Variants in ABI3 observed in about 807,000 individuals in gnomAD.
The protein encoded by ABI3 is ABI family member 3, also known as ABI gene family member 3.
Under a neutral mutation model 37.0 loss-of-function variants are expected in ABI3, and 24 were observed. That is an observed-to-expected ratio of 0.65 (90% CI 0.47 to 0.91). The LOEUF (loss-of-function observed/expected upper bound fraction) is 0.91, where lower values mean the gene tolerates loss of function less well. Ranked by LOEUF, ABI3 falls within the 40% of genes least tolerant of loss-of-function variation. ABI3 has a pLI of 0.00. For missense variants in ABI3, 481 were observed against 485.1 expected, an observed-to-expected ratio of 0.99 and a Z score of 0.08; for synonymous variants, 220 against 211.8, an observed-to-expected ratio of 1.04 and a Z score of -0.34.
chr17:49,222,357 G>T, intron 7 of ABI3, 132 bp downstream of exon 7: 1 of 1,399,044 alleles, frequency 7.1e-7, no homozygotes, highest in Non-Finnish European at 9.6e-7. Flanking sequence ...CGAACTGACA[G>T]AACTGGGGAG....
intron 3 of ABI3, among the ~76,000 whole-genome samples, chr17:49,218,189 G>A (rs1158415788): frequency 3.3e-5 from 5 of 152,238 alleles, no homozygotes; most frequent in Admixed American, 6.5e-5. Flanking sequence ...GGCACCGGGC[G>A]TGTGGGAAGG....
intron 1 of ABI3, among the ~76,000 whole-genome samples, chr17:49,212,754 C>G (rs1026505272): frequency 2.0e-5 from 3 of 152,184 alleles, no homozygotes; most frequent in Non-Finnish European, 4.4e-5. Flanking sequence ...GATTCCAGAG[C>G]CCACTCCCTA....
chr17:49,222,789 A>G lies in ABI3; in HGVS notation c.*74A>G. 1 of 1,470,086 alleles carries G rather than the reference A, an allele frequency of 6.8e-7. No homozygotes were observed. The highest frequency in any genetic ancestry group is 9.1e-7 in the Non-Finnish European group (1 of 1,094,862). The allele number at this position is 1,470,086 out of a possible 1,614,324, so 91.1% of individuals were successfully genotyped here. On this transcript the variant is annotated 3_prime_UTR_variant, in exon 8 of 8. Coordinates refer to ENST00000225941, the MANE Select transcript of ABI3 (RefSeq NM_016428.3). ...TGAGCCCCAAGCCAAAACCAGCTCC[A>G]GTCACAGCTGGACTGGGTCTGCCCA...
At position 49,220,166 on chromosome 17, in the gene ABI3, C is replaced by A; in HGVS notation, c.645-3C>A. On this transcript the variant is annotated splice_region_variant and splice_polypyrimidine_tract_variant and intron_variant, in intron 5 of 7. Coordinates refer to ENST00000225941, the MANE Select transcript of ABI3 (RefSeq NM_016428.3). ...TCCGCCAACCGGGCTCTCTGGTGTT[C>A]AGCAGCGCCGAAGGTGTCGGTGGGG... is the stretch of plus-strand genomic sequence containing the variant. 6.2e-7 allele frequency: 1 copy of A among 1,611,822 alleles called. No individual in the cohort carries two copies. The highest frequency in any genetic ancestry group is 1.1e-5 in the South Asian group (1 of 90,990).
intron 1 of ABI3, among the ~76,000 whole-genome samples, chr17:49,211,546 C>G (rs775499991): frequency 1.1e-4 from 17 of 152,214 alleles, no homozygotes; most frequent in Non-Finnish European, 1.9e-4. Context: ...TTAATCTGTA[C>G]AACTACCTTG....
chr17:49,220,672 C>T (rs1413841354), intron 6 of ABI3, among the ~76,000 whole-genome samples: 2 of 151,754 alleles, frequency 1.3e-5, no homozygotes, highest in African/African-American at 4.8e-5. Context: ...TGGAGAAATC[C>T]GGTCTCTACT....
intron 6 of ABI3, among the ~76,000 whole-genome samples, chr17:49,221,343 C>T (rs1057030256): frequency 6.9e-6 from 1 of 144,096 alleles, no homozygotes; most frequent in African/African-American, 2.6e-5. Flanking sequence ...TGGTGGCGGG[C>T]GCCTGTAGTC....
rs925409053 is a variant in ABI3 at position 49,222,182 on chromosome 17, G to T, written c.894G>T (p.Gly298=). Reference sequence around the variant, plus strand: ...TGCCTCCACCCCCACCAGGATTTGGGCCTGATGAGCCCAGCTGGGTGCCTG... The same window carrying T: ...TGCCTCCACCCCCACCAGGATTTGGTCCTGATGAGCCCAGCTGGGTGCCTG... ...LGLPPPPPGF[G]PDEPSWVPAS... The change falls in exon 7 of 8, where the codon GGG becomes GGT. Residue 298 remains glycine (G), a synonymous_variant. Coordinates refer to ENST00000225941, the MANE Select transcript of ABI3 (RefSeq NM_016428.3). The T allele has an allele frequency of 7.4e-6, 12 of 1,613,632 alleles. No individual in the cohort carries two copies. Among genetic ancestry groups the T allele is most frequent in the Non-Finnish European group, 8.5e-6 (10 of 1,179,870 alleles).
intron 6 of ABI3, 36 bp from the exon 7 acceptor site, chr17:49,222,055 G>C (rs773618811): frequency 6.5e-7 from 1 of 1,547,078 alleles, no homozygotes. Context: ...GGAGCTTCCT[G>C]TGCCACACTT....
Position 49,217,752 on chromosome 17 carries a change from A to G in ABI3, c.299A>G (p.His100Arg), listed in dbSNP as rs778395724. ...CCTGTCATGCAGATGGTGAACATGC[A>G]TATGGAGAAGGTGGCCCGAAGGGAG... ...VSTLGQMVNM[H>R]MEKVARREIG... is the part of the protein sequence containing the mutation. The change falls in exon 3 of 8, where the codon CAT (histidine) becomes CGT (arginine). Residue 100 changes from histidine to arginine, a missense_variant. By Grantham distance (29) the His-to-Arg change is conservative. Coordinates refer to ENST00000225941, the MANE Select transcript of ABI3 (RefSeq NM_016428.3). 17 of 1,608,538 alleles carry G rather than the reference A, an allele frequency of 1.1e-5. No individual in the cohort carries two copies. In the South Asian group the frequency reaches 1.8e-4, roughly 17 times the overall value.
chr17:49,212,910 C>T (rs1259337871), intron 1 of ABI3, among the ~76,000 whole-genome samples: 3 of 152,216 alleles, frequency 2.0e-5, no homozygotes, highest in Non-Finnish European at 1.5e-5. Flanking sequence ...GACAAGGATC[C>T]AAGCAGTCCT....
At position 49,210,922 on chromosome 17, in the gene ABI3, C is replaced by T; in HGVS notation, c.117+81C>T. The T allele has an allele frequency of 8.6e-7, 1 of 1,166,448 alleles. No homozygotes were observed. Among genetic ancestry groups the T allele is most frequent in the Non-Finnish European group, 1.2e-6 (1 of 822,928 alleles). The allele number at this position is 1,166,448 out of a possible 1,614,324, so 72.3% of individuals were successfully genotyped here. On this transcript the variant is annotated intron_variant, in intron 1 of 7. Transcript: ENST00000225941. The surrounding 1 kb of genome is among the most constrained non-coding windows in gnomAD (Gnocchi z 4.2). The stretch of plus-strand genomic sequence containing the variant: ...CCCTGCCCCAAGTGGGGCCCTGGGA[C>T]CCATCCTGACAGTGCTTGTCCTGGG...
In ABI3 at chr17:49,220,273, T is replaced by A; in HGVS notation, c.749T>A (p.Val250Asp). ...SLDPPPPPAA[V>D]EVFQRPPTLE... is the part of the protein sequence containing the mutation. The stretch of plus-strand genomic sequence containing the variant: ...GACCCACCTCCTCCACCAGCAGCCG[T>A]CGAGGTGTTCCAGCGGCCTCCCACG... The change falls in exon 6 of 8, where the codon GTC becomes GAC. Residue 250 changes from valine (V) to aspartate (D), a missense_variant. Coordinates refer to ENST00000225941, the MANE Select transcript of ABI3 (RefSeq NM_016428.3). 6.2e-7 allele frequency: 1 copy of A among 1,606,490 alleles called. No individual in the cohort carries two copies. Among genetic ancestry groups the A allele is most frequent in the East Asian group, 2.2e-5 (1 of 44,648 alleles).
chr17:49,217,606 G>A (rs937434089), intron 2 of ABI3, 133 bp from the exon 3 acceptor site: 26 of 724,666 alleles, frequency 3.6e-5, no homozygotes, highest in Admixed American at 2.9e-4. Context: ...GGCGGGGGGC[G>A]GGGGGCAGGG....
At chr17:49,220,504 T>C (rs1353184262) in intron 6 of ABI3, among the ~76,000 whole-genome samples, 178 bp downstream of exon 6, 1 of 152,228 alleles carries the variant, frequency 6.6e-6, no homozygotes, top group African/African-American at 2.4e-5. Context: ...TAGCGCCTGC[T>C]GTATACCAGA....
At chr17:49,217,669 C>T in intron 2 of ABI3, 70 bp from the exon 3 acceptor site, 2 of 1,448,914 alleles carry the variant, frequency 1.4e-6, no homozygotes, top group Non-Finnish European at 1.8e-6. Flanking sequence ...TCTTTATCTT[C>T]TTCCTCCTTA....
intron 1 of ABI3, among the ~76,000 whole-genome samples, chr17:49,214,990 G>A (rs191270798): frequency 4.7e-4 from 71 of 152,268 alleles, no homozygotes; most frequent in Admixed American, 9.2e-4. Context: ...GCAAGGGGGC[G>A]TAGATAACGA....
intron 2 of ABI3, 49 bp from the exon 3 acceptor site, chr17:49,217,690 T>G (rs1410914433): frequency 1.3e-6 from 2 of 1,543,872 alleles, no homozygotes; most frequent in Non-Finnish European, 1.7e-6. Flanking sequence ...GGGGGAAGGG[T>G]GCTGGACACA....
At chr17:49,220,067 G>T in intron 5 of ABI3, 102 bp from the exon 6 acceptor site, 1 of 1,571,674 alleles carries the variant, frequency 6.4e-7, no homozygotes, top group Non-Finnish European at 8.6e-7. Flanking sequence ...GTTACTCCTG[G>T]GTCACACGTG....
Sources: allele counts gnomAD v4.1 joint callset (sites outside exome capture counted in the v4.1 genomes callset), GRCh38; gene constraint gnomAD v4.1.1; non-coding constraint Gnocchi (gnomAD v3.1); transcripts MANE v1.5; gene names NCBI Gene and HGNC (gene_info 2026-07-23, HGNC 2026-07-21).